Variants in C7orf78 observed in about 807,000 individuals in gnomAD.
C7orf78 encodes putative uncharacterized protein C7orf78.
chr7:12,497,373 G>A, the C7orf78 span, among the ~76,000 whole-genome samples: 5 of 152,352 alleles, frequency 3.3e-5, no homozygotes, highest in African/African-American at 4.8e-5. Context: ...TGCGCACACC[G>A]TGCGCGAGCA....
chr7:12,496,176 C>T, the C7orf78 span, among the ~76,000 whole-genome samples: 5 of 152,140 alleles, frequency 3.3e-5, no homozygotes, highest in South Asian at 2.1e-4. Flanking sequence ...CCGCCGCCCT[C>T]GGCCTCCCAA....
chr7:12,508,312 G>T, the C7orf78 span, among the ~76,000 whole-genome samples: 1 of 151,998 alleles, frequency 6.6e-6, no homozygotes, highest in African/African-American at 2.4e-5. Context: ...AACTAAATAT[G>T]CTTATTTTTG....
At chr7:12,490,180 T>C in the C7orf78 span, among the ~76,000 whole-genome samples, 1 of 152,178 alleles carries the variant, frequency 6.6e-6, no homozygotes, top group African/African-American at 2.4e-5. Context: ...TATCTTATTC[T>C]ACAAAGTAGT....
the C7orf78 span, among the ~76,000 whole-genome samples, chr7:12,519,473 G>A: frequency 2.0e-5 from 3 of 152,148 alleles, no homozygotes; most frequent in Non-Finnish European, 4.4e-5. Flanking sequence ...TCCAGCTCCA[G>A]TCAGACAGCT....
chr7:12,490,000 T>A, the C7orf78 span, among the ~76,000 whole-genome samples: 1 of 152,182 alleles, frequency 6.6e-6, no homozygotes, highest in Admixed American at 6.5e-5. Context: ...AAATTTTCCA[T>A]ACTATCACAA....
At chr7:12,519,869 C>A in the C7orf78 span, among the ~76,000 whole-genome samples, 2 of 152,176 alleles carry the variant, frequency 1.3e-5, no homozygotes, top group African/African-American at 4.8e-5. Flanking sequence ...CTGTTGTTCC[C>A]AGAGCAGGAT....
the C7orf78 span, among the ~76,000 whole-genome samples, chr7:12,492,907 A>C: frequency 6.6e-6 from 1 of 152,208 alleles, no homozygotes; most frequent in African/African-American, 2.4e-5. Flanking sequence ...TATCTGTTTA[A>C]ATCTACAAAA....
chr7:12,517,895 G>T, the C7orf78 span, among the ~76,000 whole-genome samples: 16 of 152,098 alleles, frequency 1.1e-4, no homozygotes, highest in African/African-American at 2.4e-5. Context: ...AAATTTTTTT[G>T]ATTGGGATCT....
At chr7:12,502,598 G>A in the C7orf78 span, among the ~76,000 whole-genome samples, 1 of 151,692 alleles carries the variant, frequency 6.6e-6, no homozygotes, top group Admixed American at 6.6e-5. Context: ...TGCTGGAGAG[G>A]ATGTGGAGAA....
At chr7:12,531,795 T>C in the C7orf78 span, among the ~76,000 whole-genome samples, 4 of 152,010 alleles carry the variant, frequency 2.6e-5, no homozygotes, top group South Asian at 8.3e-4. Context: ...CACAGACACA[T>C]GTGGGTGGGT....
the C7orf78 span, among the ~76,000 whole-genome samples, chr7:12,515,640 T>C: frequency 3.3e-5 from 5 of 152,168 alleles, no homozygotes; most frequent in Admixed American, 6.5e-5. Flanking sequence ...TAGAGACTTG[T>C]TGAATGGCTT....
chr7:12,519,538 C>A, the C7orf78 span, among the ~76,000 whole-genome samples: 3 of 152,184 alleles, frequency 2.0e-5, no homozygotes, highest in Non-Finnish European at 4.4e-5. Context: ...GCACTGTGCA[C>A]ATGTAGAGGG....
chr7:12,507,137 A>G, the C7orf78 span: 3 of 214,236 alleles, frequency 1.4e-5, no homozygotes, highest in African/African-American at 2.9e-5. Context: ...TGTCTCTACT[A>G]AAAATACAAA....
the C7orf78 span, among the ~76,000 whole-genome samples, chr7:12,496,210 C>T: frequency 6.6e-6 from 1 of 152,184 alleles, no homozygotes. Context: ...CAGGCGTGAG[C>T]CACCTCGTCT....
chr7:12,495,968 C>G, the C7orf78 span, among the ~76,000 whole-genome samples: 4,324 of 151,986 alleles, frequency 0.028, 206 homozygotes, highest in African/African-American at 0.099. Context: ...CTCTTTCGCC[C>G]AAGCCAGACT....
the C7orf78 span, among the ~76,000 whole-genome samples, chr7:12,504,972 G>T: frequency 6.6e-6 from 1 of 151,796 alleles, no homozygotes; most frequent in Non-Finnish European, 1.5e-5. Flanking sequence ...ATATATCTAG[G>T]CAAAGGAACT....
At chr7:12,491,807 T>C in the C7orf78 span, 1 of 152,222 alleles carries the variant, frequency 6.6e-6, no homozygotes, top group Non-Finnish European at 1.5e-5. Context: ...GATAACATTC[T>C]TTTGCTTCTT....
the C7orf78 span, among the ~76,000 whole-genome samples, chr7:12,511,428 G>A: frequency 6.6e-6 from 1 of 152,156 alleles, no homozygotes; most frequent in Non-Finnish European, 1.5e-5. Flanking sequence ...TTGGTATTAT[G>A]ATAGGGATTC....
At chr7:12,531,788 A>T in the C7orf78 span, among the ~76,000 whole-genome samples, 6 of 152,160 alleles carry the variant, frequency 3.9e-5, no homozygotes, top group Non-Finnish European at 7.3e-5. Context: ...TTCAGGACAC[A>T]GACACATGTG....
Sources: gnomAD v4.1 joint callset for allele counts (sites outside exome capture counted in the v4.1 genomes callset) on GRCh38, gnomAD v4.1.1 for gene constraint, MANE v1.5 for transcripts, NCBI Gene and HGNC (gene_info 2026-07-23, HGNC 2026-07-21) for gene names.